The following DCDC2C variants were observed in gnomAD, a reference collection of about 807,000 sequenced individuals.
DCDC2C encodes doublecortin domain-containing protein 2C.
Under a neutral mutation model 45.0 loss-of-function variants are expected in DCDC2C, and 44 were observed. The observed-to-expected ratio is 0.98, with a 90% confidence interval of 0.77 to 1.26. The LOEUF (loss-of-function observed/expected upper bound fraction) is 1.26. Ranked by LOEUF, DCDC2C falls within the 50% of genes most tolerant of loss-of-function variation. The pLI, the probability that DCDC2C is intolerant of heterozygous loss-of-function variation, is 0.00. For missense variants in DCDC2C, 447 were observed against 468.9 expected (o/e 0.95, Z 0.43); for synonymous variants, 187 against 178.8 (o/e 1.05, Z -0.37).
intron 10 of DCDC2C, among the ~76,000 whole-genome samples, chr2:3,810,988 T>C (rs976567790): frequency 7.9e-5 from 12 of 152,172 alleles, no homozygotes; most frequent in Non-Finnish European, 1.3e-4. Flanking sequence ...TGTAGCCTTG[T>C]AGTATAGTTT....
intron 3 of DCDC2C, among the ~76,000 whole-genome samples, chr2:3,731,620 A>G (rs943648236): frequency 6.6e-6 from 1 of 152,160 alleles, no homozygotes; most frequent in African/African-American, 2.4e-5. Context: ...CTCTTTGCCA[A>G]ATAATTTCCT....
intron 10 of DCDC2C, among the ~76,000 whole-genome samples, chr2:3,807,985 T>C (rs181268034): frequency 3.9e-4 from 59 of 152,360 alleles, no homozygotes; most frequent in African/African-American, 1.1e-3. Context: ...GGTCCAACTT[T>C]TGAATATTTT....
rs572081304 is a variant in DCDC2C, at chr2:3,814,768, C to T, written c.1065+29668C>T. ...AGTTACTGGAGTTCCTACAGGGAAG[C>T]CCTGCCCAATGAGGAAGGATGGGTC... is the stretch of plus-strand genomic sequence containing the variant. On this transcript the variant is annotated intron_variant, in intron 10 of 10. Coordinates refer to ENST00000399143, the MANE Select transcript of DCDC2C (RefSeq NM_001287444.2). 1.8e-4 allele frequency among the ~76,000 whole-genome samples: 28 copies of T among 152,348 alleles called. No individual in the cohort carries two copies. The South Asian group carries it at 1.9e-3, about 10-fold the overall frequency.
chr2:3,731,176 C>T (rs559994422), intron 3 of DCDC2C, among the ~76,000 whole-genome samples: 99 of 152,180 alleles, frequency 6.5e-4, no homozygotes, highest in African/African-American at 2.2e-3. Flanking sequence ...TCACCATAGG[C>T]GAGGGTGCAG....
intron 10 of DCDC2C, among the ~76,000 whole-genome samples, chr2:3,814,414 A>G (rs1311125663): frequency 2.0e-5 from 3 of 152,148 alleles, no homozygotes; most frequent in African/African-American, 7.2e-5. Flanking sequence ...TTAGTTAGCA[A>G]TTCCTCTAAC....
At chr2:3,758,456 TTA>T (rs1669785723) in intron 6 of DCDC2C, among the ~76,000 whole-genome samples, 1 of 152,204 alleles carries the variant, frequency 6.6e-6, no homozygotes, top group African/African-American at 2.4e-5. Flanking sequence ...CAAAAAGTTA[TTA>T]TATACACGGA....
In DCDC2C at chr2:3,767,860, C is replaced by G. The variant is rs1036978341; in HGVS notation, c.833C>G (p.Pro278Arg). Residue 278 changes from proline (P) to arginine (R), a missense_variant, in exon 7 of 11, where the codon CCT becomes CGT. Pro to Arg is a moderately radical substitution (Grantham distance 103). Coordinates refer to ENST00000399143, the MANE Select transcript of DCDC2C (RefSeq NM_001287444.2). ...GAAAAGAAGAAAACATTGGCAGAAC[C>G]TTTAGTCCAAAGGGGTGCAGGTGAC... Reference protein sequence around the residue: ...KEEKKKTLAEPLVQRGAEGDV... With the variant: ...KEEKKKTLAERLVQRGAEGDV... The G allele has an allele frequency of 6.5e-6, 10 of 1,538,180 alleles. No homozygotes were observed. The highest frequency in any genetic ancestry group is 2.8e-5 in the African/African-American group (2 of 72,108).
intron 10 of DCDC2C, among the ~76,000 whole-genome samples, chr2:3,820,725 G>A (rs930114389): frequency 6.6e-6 from 1 of 152,202 alleles, no homozygotes; most frequent in African/African-American, 2.4e-5. Flanking sequence ...AGGGTAGCAA[G>A]AGAGGGAGAT....
At chr2:3,827,851 T>C (rs547571086) in intron 10 of DCDC2C, among the ~76,000 whole-genome samples, 9 of 152,258 alleles carry the variant, frequency 5.9e-5, no homozygotes, top group South Asian at 2.1e-4. Flanking sequence ...AAAGAACCCA[T>C]TGGGCATAAC....
chr2:3,793,941 A>G (rs1330401393), intron 10 of DCDC2C, among the ~76,000 whole-genome samples: 2 of 152,248 alleles, frequency 1.3e-5, no homozygotes, highest in African/African-American at 4.8e-5. Flanking sequence ...TACTTGAAAA[A>G]GAGAGGAATA....
intron 10 of DCDC2C, among the ~76,000 whole-genome samples, chr2:3,807,283 A>G (rs1257089416): frequency 6.6e-6 from 1 of 152,158 alleles, no homozygotes; most frequent in Non-Finnish European, 1.5e-5. Flanking sequence ...TTACACAGGC[A>G]TCTGCTGCCT....
intron 10 of DCDC2C, among the ~76,000 whole-genome samples, chr2:3,820,906 C>A (rs1022622011): frequency 1.3e-5 from 2 of 152,120 alleles, no homozygotes; most frequent in South Asian, 2.1e-4. Context: ...GACAGGGGAC[C>A]AGTCTCCAGA....
chr2:3,705,430 C>A (rs2148035928), intron 1 of DCDC2C, among the ~76,000 whole-genome samples: 1 of 152,320 alleles, frequency 6.6e-6, no homozygotes, highest in Non-Finnish European at 1.5e-5. Flanking sequence ...GTGTGAATAT[C>A]TAGAACTGAC....
At chr2:3,807,287 G>A (rs1428123553) in intron 10 of DCDC2C, among the ~76,000 whole-genome samples, 1 of 152,120 alleles carries the variant, frequency 6.6e-6, no homozygotes, top group East Asian at 1.9e-4. Context: ...ACAGGCATCT[G>A]CTGCCTTGAG....
intron 10 of DCDC2C, among the ~76,000 whole-genome samples, chr2:3,816,191 T>A (rs547700272): frequency 6.6e-6 from 1 of 152,208 alleles, no homozygotes; most frequent in East Asian, 1.9e-4. Flanking sequence ...CTGGATGTGG[T>A]TTTGTATGAA....
intron 3 of DCDC2C, among the ~76,000 whole-genome samples, chr2:3,738,053 AG>A (rs1170698659): frequency 3.3e-5 from 5 of 152,210 alleles, no homozygotes; most frequent in African/African-American, 9.7e-5. Context: ...ATTTAAAGTA[AG>A]TCTCCCAAAT....
chr2:3,798,184 G>T (rs1338829352), intron 10 of DCDC2C, among the ~76,000 whole-genome samples: 3 of 152,054 alleles, frequency 2.0e-5, no homozygotes, highest in South Asian at 4.2e-4. Context: ...CAGAGACTAG[G>T]ATTGCAACCC....
chr2:3,743,443 CG>C (rs1669274038), intron 4 of DCDC2C, among the ~76,000 whole-genome samples: 1 of 152,144 alleles, frequency 6.6e-6, no homozygotes, highest in African/African-American at 2.4e-5. Context: ...CCACCAGCAG[CG>C]GAATACACAT....
At chr2:3,847,021 A>AC in intron 10 of DCDC2C, 133 bp from the exon 11 acceptor site, 1 of 139,236 alleles carries the variant, frequency 7.2e-6, no homozygotes, top group Non-Finnish European at 1.5e-5. Flanking sequence ...GTCCCACCCC[A>AC]CCCCTCCCAG....
Sources: allele counts gnomAD v4.1 joint callset (sites outside exome capture counted in the v4.1 genomes callset), GRCh38; gene constraint gnomAD v4.1.1; transcripts MANE v1.5; gene names NCBI Gene and HGNC (gene_info 2026-07-23, HGNC 2026-07-21).